PTPRD: variants seen among roughly 807,000 people sequenced by gnomAD.
PTPRD encodes the protein protein tyrosine phosphatase receptor type D, also known as receptor-type tyrosine-protein phosphatase delta.
A neutral mutation model predicts 214.5 loss-of-function variants in PTPRD; 34 were observed. The ratio of observed to expected loss-of-function variants is 0.16; its 90% CI spans 0.12 to 0.21. PTPRD has a LOEUF of 0.21. Among genes scored for constraint, PTPRD ranks in the 10% least tolerant of loss-of-function variants. The pLI, the probability that PTPRD is intolerant of heterozygous loss-of-function variation, is 1.00. For missense variants in PTPRD, 2,545 were observed against 2,398.7 expected (o/e 1.06, Z -1.27); for synonymous variants, 1,128 against 845.7 (o/e 1.33, Z -5.79).
At chr9:9,063,327 G>A (rs1569521392) in intron 10 of PTPRD, among the ~76,000 whole-genome samples, 1 of 152,102 alleles carries the variant, frequency 6.6e-6, no homozygotes, top group Admixed American at 6.6e-5. Context: ...GTAAAAAATT[G>A]TTTTTGAAAG....
intron 5 of PTPRD, among the ~76,000 whole-genome samples, chr9:9,869,245 A>G (rs1458116710): frequency 6.6e-6 from 1 of 152,180 alleles, no homozygotes; most frequent in Admixed American, 6.5e-5. Context: ...ATGGCTGACA[A>G]AGGAAAGTCT....
chr9:8,679,164 C>T (rs1315040916), intron 12 of PTPRD, among the ~76,000 whole-genome samples: 3 of 152,158 alleles, frequency 2.0e-5, no homozygotes, highest in East Asian at 1.9e-4. Flanking sequence ...AGAAACTAGT[C>T]GCTTCCTACT....
At chr9:9,486,259 TA>T (rs2095632653) in intron 8 of PTPRD, among the ~76,000 whole-genome samples, 1 of 146,710 alleles carries the variant, frequency 6.8e-6, no homozygotes, top group South Asian at 2.2e-4. Context: ...CTTGAATAAG[TA>T]GTCAACATCC....
chr9:9,091,407 G>A (rs1371767252), intron 10 of PTPRD, among the ~76,000 whole-genome samples: 1 of 152,158 alleles, frequency 6.6e-6, no homozygotes, highest in Admixed American at 6.5e-5. Flanking sequence ...TCTTACTAAA[G>A]TTTTATTCCT....
intron 11 of PTPRD, among the ~76,000 whole-genome samples, chr9:8,801,324 A>G (rs775242622): frequency 5.3e-4 from 81 of 152,252 alleles, no homozygotes; most frequent in Admixed American, 1.2e-3. Context: ...ATGGAATTAA[A>G]AATGGAGCTT....
intron 12 of PTPRD, among the ~76,000 whole-genome samples, chr9:8,704,827 G>T (rs1163124941): frequency 1.3e-5 from 2 of 151,932 alleles, no homozygotes; most frequent in Non-Finnish European, 2.9e-5. Context: ...GGACGCTGAG[G>T]CAGGAGAATC....
intron 3 of PTPRD, among the ~76,000 whole-genome samples, chr9:10,134,289 C>A (rs985271860): frequency 2.0e-5 from 3 of 152,174 alleles, no homozygotes; most frequent in African/African-American, 7.2e-5. Flanking sequence ...GGAGCACAGC[C>A]TGACAGGTCC....
At chr9:9,694,945 G>C (rs182142825) in intron 7 of PTPRD, among the ~76,000 whole-genome samples, 1 of 152,236 alleles carries the variant, frequency 6.6e-6, no homozygotes, top group East Asian at 1.9e-4. Context: ...CCTGCTTGTT[G>C]CTCTACCCTA....
At chr9:10,527,792 C>A (rs2054764441) in intron 2 of PTPRD, among the ~76,000 whole-genome samples, 1 of 152,060 alleles carries the variant, frequency 6.6e-6, no homozygotes. Flanking sequence ...TGGGATTTTT[C>A]TTTAGCAATA....
At chr9:9,801,846 G>C (rs1374983032) in intron 5 of PTPRD, among the ~76,000 whole-genome samples, 1 of 151,992 alleles carries the variant, frequency 6.6e-6, no homozygotes, top group Non-Finnish European at 1.5e-5. Flanking sequence ...TGCCCTTTAA[G>C]GCATTTCCAT....
intron 37 of PTPRD, among the ~76,000 whole-genome samples, chr9:8,383,880 T>G (rs1293275581): frequency 1.3e-5 from 2 of 152,164 alleles, no homozygotes; most frequent in Non-Finnish European, 2.9e-5. Context: ...AAAAGTCAGA[T>G]ATATTCTAAC....
intron 2 of PTPRD, among the ~76,000 whole-genome samples, chr9:10,483,788 C>T (rs369000030): frequency 1.3e-5 from 2 of 151,948 alleles, no homozygotes; most frequent in Non-Finnish European, 2.9e-5. Flanking sequence ...GATGTTGGCA[C>T]GGATGTGGTG....
intron 8 of PTPRD, among the ~76,000 whole-genome samples, chr9:9,488,598 G>A (rs1326143775): frequency 1.3e-5 from 2 of 152,228 alleles, no homozygotes; most frequent in South Asian, 4.1e-4. Flanking sequence ...AAAGTTAAAA[G>A]TAACTGGGGA....
intron 3 of PTPRD, among the ~76,000 whole-genome samples, chr9:10,136,390 A>C (rs1225871633): frequency 6.6e-6 from 1 of 152,100 alleles, no homozygotes; most frequent in Non-Finnish European, 1.5e-5. Context: ...TTCCTAATAG[A>C]TATTTACAGA....
At chr9:9,505,869 A>C (rs2096558477) in intron 8 of PTPRD, among the ~76,000 whole-genome samples, 1 of 151,492 alleles carries the variant, frequency 6.6e-6, no homozygotes, top group Admixed American at 6.6e-5. Context: ...GGGACATTAC[A>C]ACACAACAAT....
At chr9:10,538,350 C>A (rs1196519631) in intron 2 of PTPRD, among the ~76,000 whole-genome samples, 3 of 151,870 alleles carry the variant, frequency 2.0e-5, no homozygotes, top group Admixed American at 6.6e-5. Flanking sequence ...AAAACATTTT[C>A]TGTTCTCAAT....
chr9:9,492,712 C>T (rs1460970234), intron 8 of PTPRD, among the ~76,000 whole-genome samples: 1 of 151,422 alleles, frequency 6.6e-6, no homozygotes, highest in Non-Finnish European at 1.5e-5. Flanking sequence ...CTTTATTGCA[C>T]TTCACAGATT....
At chr9:10,423,883 G>GT (rs1336273831) in intron 2 of PTPRD, among the ~76,000 whole-genome samples, 1 of 151,904 alleles carries the variant, frequency 6.6e-6, no homozygotes, top group Non-Finnish European at 1.5e-5. Flanking sequence ...GGAACCTATA[G>GT]TTTTTTGCTG....
At chr9:9,413,510 G>A (rs1352455372) in intron 8 of PTPRD, among the ~76,000 whole-genome samples, 1 of 152,050 alleles carries the variant, frequency 6.6e-6, no homozygotes, top group Non-Finnish European at 1.5e-5. Context: ...ACCTTATAAT[G>A]GACTATGCTG....
Sources: allele counts gnomAD v4.1 joint callset (sites outside exome capture counted in the v4.1 genomes callset), GRCh38; gene constraint gnomAD v4.1.1; transcripts MANE v1.5; gene names NCBI Gene and HGNC (gene_info 2026-07-23, HGNC 2026-07-21).